The following KIF27 variants were observed in gnomAD, a reference collection of about 807,000 sequenced individuals.
The protein encoded by KIF27 is kinesin-like protein KIF27.
In KIF27, 84 loss-of-function variants were observed where a neutral mutation model predicts 141.8. The ratio of observed to expected loss-of-function variants is 0.59; its 90% CI spans 0.50 to 0.71. KIF27 has a LOEUF of 0.71. Ranked by LOEUF, KIF27 falls within the 30% of genes least tolerant of loss-of-function variation. The pLI is 0.00. For synonymous variants in KIF27, 471 were observed against 569.5 expected, an observed-to-expected ratio of 0.83 and a Z score of 2.46; for missense variants, 1,306 against 1,628.4, an observed-to-expected ratio of 0.80 and a Z score of 3.41.
chr9:83,857,444 A>C (rs1193235808), intron 14 of KIF27, among the ~76,000 whole-genome samples: 2 of 152,148 alleles, frequency 1.3e-5, no homozygotes, highest in Admixed American at 1.3e-4. Flanking sequence ...AGGTGCATAG[A>C]AGCTCATGTG....
chr9:83,870,485 A>T, intron 12 of KIF27, 34 bp downstream of exon 12: 1 of 1,611,816 alleles, frequency 6.2e-7, no homozygotes, highest in Non-Finnish European at 8.5e-7. Flanking sequence ...CAGATTGAAG[A>T]GAAACCAGGA....
chr9:83,904,114 C>T (rs1310526659), intron 3 of KIF27, 96 bp from the exon 4 acceptor site: 1 of 829,784 alleles, frequency 1.2e-6, no homozygotes, highest in Non-Finnish European at 1.8e-6. Context: ...CCAAGATAGT[C>T]CCTTTTTTAA....
chr9:83,881,480 T>C lies in KIF27; in HGVS notation c.2446-986A>G, dbSNP rs1021711963. ...CAAGAGGCACTGCTGCTTAGAGCAG[T>C]GCTACTCAAAATGTGATCTGTGGAC... is the stretch of plus-strand genomic sequence containing the variant. On this transcript the variant is annotated intron_variant, in intron 10 of 17. Transcript: ENST00000297814. Among the ~76,000 whole-genome samples, 143 of 152,340 alleles carry C rather than the reference T, an allele frequency of 9.4e-4. 1 individual carries two copies. The highest frequency in any genetic ancestry group is 1.7e-3 in the Non-Finnish European group (114 of 68,032).
chr9:83,849,281 G>A (rs899426431), intron 16 of KIF27: 2 of 152,190 alleles, frequency 1.3e-5, no homozygotes, highest in African/African-American at 2.4e-5. Context: ...TTAGGCAACT[G>A]GTTGCTAATT....
chr9:83,880,060 A>G (rs1260438014), intron 11 of KIF27: 1 of 573,022 alleles, frequency 1.7e-6, no homozygotes, highest in African/African-American at 1.9e-5. Flanking sequence ...TCCTACTAAG[A>G]GAAATTATCA....
At chr9:83,874,299 A>G (rs908509596) in intron 11 of KIF27, among the ~76,000 whole-genome samples, 6 of 152,168 alleles carry the variant, frequency 3.9e-5, no homozygotes, top group Non-Finnish European at 8.8e-5. Context: ...TTAAGATCAC[A>G]CCACCACCCA....
chr9:83,891,461 A>T lies in KIF27; in HGVS notation c.1643T>A (p.Leu548Gln). 6.2e-7 allele frequency: 1 copy of T among 1,613,808 alleles called. No homozygotes were observed. Among genetic ancestry groups the T allele is most frequent in the African/African-American group, 1.3e-5 (1 of 75,056 alleles). ...IIEQQLLVDQ[L>Q]SEELTKLNLS... is the part of the protein sequence containing the mutation. ...GTTAAGTTTTGTTAGTTCTTCACTC[A>T]GTTGATCCACAAGAAGTTGTTGTTC... is the stretch of plus-strand genomic sequence containing the variant. Residue 548 changes from leucine (L) to glutamine (Q), a missense_variant, in exon 6 of 18, where the codon CTG becomes CAG. This residue lies in a region of KIF27 where 596 missense variants were observed against 751.6 expected (regional missense o/e 0.79). Coordinates refer to ENST00000297814, the MANE Select transcript of KIF27 (RefSeq NM_017576.4).
rs376395111 is a variant in KIF27 at position 83,842,409 on chromosome 9, A to T, written c.3557-8T>A. On this transcript the variant is annotated splice_polypyrimidine_tract_variant and splice_region_variant and intron_variant, in intron 16 of 17. Coordinates refer to ENST00000297814, the MANE Select transcript of KIF27 (RefSeq NM_017576.4). The stretch of plus-strand genomic sequence containing the variant: ...TGCCTTCTCCATCTTGTTCTATACA[A>T]CAAAAATTTGCATTTAAAATCAGTT... 80 of 1,479,228 alleles carry T rather than the reference A, an allele frequency of 5.4e-5. No homozygotes were observed. The African/African-American group carries it at 1.0e-3, about 19-fold the overall frequency. The allele number at this position is 1,479,228 out of a possible 1,614,324, so 91.6% of individuals were successfully genotyped here.
chr9:83,850,076 T>G (rs774995758), intron 16 of KIF27, 23 bp downstream of exon 16: 1 of 1,601,628 alleles, frequency 6.2e-7, no homozygotes, highest in Non-Finnish European at 8.6e-7. Context: ...CAACCTTACA[T>G]AACTGTCAAA....
chr9:83,909,426 ATGG>A (rs1954914717), intron 2 of KIF27, among the ~76,000 whole-genome samples: 1 of 152,138 alleles, frequency 6.6e-6, no homozygotes, highest in Non-Finnish European at 1.5e-5. Flanking sequence ...CTTGGGAAAC[ATGG>A]TGAAACCCTG....
intron 11 of KIF27, among the ~76,000 whole-genome samples, chr9:83,876,477 A>T (rs1951209927): frequency 6.6e-6 from 1 of 152,242 alleles, no homozygotes; most frequent in Admixed American, 6.5e-5. Context: ...TATTGTCAAG[A>T]TGTCAATACT....
At chr9:83,845,651 A>C (rs1284482295) in intron 16 of KIF27, among the ~76,000 whole-genome samples, 1 of 152,250 alleles carries the variant, frequency 6.6e-6, no homozygotes, top group Admixed American at 6.5e-5. Flanking sequence ...GAAGGATACC[A>C]GTGAAGGAAA....
intron 13 of KIF27, among the ~76,000 whole-genome samples, chr9:83,863,421 C>T (rs1193323190): frequency 1.3e-5 from 2 of 152,150 alleles, no homozygotes; most frequent in African/African-American, 4.8e-5. Flanking sequence ...TTTTCTGCAT[C>T]TATTGAGATA....
chr9:83,901,094 G>C (rs1953839957), intron 4 of KIF27, among the ~76,000 whole-genome samples: 1 of 152,064 alleles, frequency 6.6e-6, no homozygotes, highest in Non-Finnish European at 1.5e-5. Context: ...GAGTAGGTGG[G>C]ACCACAGGCG....
At chr9:83,920,358 C>T (rs1956131485) in intron 1 of KIF27, among the ~76,000 whole-genome samples, 1 of 152,058 alleles carries the variant, frequency 6.6e-6, no homozygotes, top group South Asian at 2.1e-4. Flanking sequence ...CAGAAACATA[C>T]GTATTATGTT....
At chr9:83,869,312 G>C (rs1450961706) in intron 12 of KIF27, among the ~76,000 whole-genome samples, 1 of 151,822 alleles carries the variant, frequency 6.6e-6, no homozygotes, top group African/African-American at 2.4e-5. Context: ...CAATTTCTTT[G>C]AACTTCAAAA....
chr9:83,913,822 A>G lies in KIF27; in HGVS notation c.298+1472T>C, dbSNP rs973217543. Among the ~76,000 whole-genome samples, 24 of 152,234 alleles carry G rather than the reference A, an allele frequency of 1.6e-4. 1 individual carries two copies. Among genetic ancestry groups the G allele is most frequent in the African/African-American group, 5.5e-4 (23 of 41,466 alleles). ...TCTCATTAAACAAACAAAAACCCAA[A>G]AAACCACACAAGTGAGTAATATGCA... On this transcript the variant is annotated intron_variant, in intron 2 of 17. Coordinates refer to ENST00000297814, the MANE Select transcript of KIF27 (RefSeq NM_017576.4).
chr9:83,844,347 GAT>G (rs1435817505), intron 16 of KIF27, among the ~76,000 whole-genome samples: 2 of 149,814 alleles, frequency 1.3e-5, no homozygotes, highest in Non-Finnish European at 3.0e-5. Context: ...TATTTATATA[GAT>G]ATCTATATCT....
At chr9:83,919,433 T>G (rs1956031715) in intron 1 of KIF27, among the ~76,000 whole-genome samples, 1 of 152,168 alleles carries the variant, frequency 6.6e-6, no homozygotes. Context: ...ATGACAATGT[T>G]TGAGTGCAGA....
Sources: allele counts gnomAD v4.1 joint callset (sites outside exome capture counted in the v4.1 genomes callset), GRCh38; gene constraint gnomAD v4.1.1; regional missense constraint gnomAD v4.1.1; transcripts MANE v1.5; gene names NCBI Gene and HGNC (gene_info 2026-07-23, HGNC 2026-07-21).